The following VPS54 variants were observed in gnomAD, a reference collection of about 807,000 sequenced individuals.
The protein encoded by VPS54 is vacuolar protein sorting-associated protein 54.
VPS54 carries 45 observed loss-of-function variants against 121.5 expected under a neutral mutation model. The observed-to-expected ratio is 0.37, with a 90% confidence interval of 0.29 to 0.47. VPS54 has a LOEUF of 0.47. Ranked by LOEUF, VPS54 falls within the 20% of genes least tolerant of loss-of-function variation. VPS54 has a pLI of 0.99. For missense variants in VPS54, 1,090 were observed against 1,131.4 expected, an observed-to-expected ratio of 0.96 and a Z score of 0.52; for synonymous variants, 371 against 385.8, an observed-to-expected ratio of 0.96 and a Z score of 0.45.
Position 63,912,512 on chromosome 2 carries a change from C to T in VPS54, c.2544+28G>A, listed in dbSNP as rs372665741. The T allele has an allele frequency of 4.0e-5, 64 of 1,611,200 alleles. 2 individuals carry two copies. In the South Asian group the frequency reaches 4.5e-4, roughly 11 times the overall value. On this transcript the variant is annotated intron_variant, in intron 19 of 22. Transcript: ENST00000272322. ...CAATTAAGGATCTAAACTTATGAAA[C>T]GCCAATAGAAAATATATGAAAAAGT...
chr2:63,992,653 G>A (rs184207577), intron 1 of VPS54, among the ~76,000 whole-genome samples: 7 of 152,260 alleles, frequency 4.6e-5, no homozygotes, highest in East Asian at 1.9e-4. Flanking sequence ...CTTCTTTCCC[G>A]CTGGAATTCT....
chr2:63,919,395 G>C (rs567278931), intron 15 of VPS54, among the ~76,000 whole-genome samples: 1 of 152,176 alleles, frequency 6.6e-6, no homozygotes, highest in South Asian at 2.1e-4. Flanking sequence ...CAGAAATACA[G>C]CTGTTATCTC....
At chr2:63,962,555 T>C (rs1479971412) in intron 6 of VPS54, 112 bp from the exon 7 acceptor site, 16 of 1,306,894 alleles carry the variant, frequency 1.2e-5, no homozygotes, top group Non-Finnish European at 1.6e-5. Context: ...AATTCCATTG[T>C]GTGAATTGTT....
rs1673568753 is a variant in VPS54, at chr2:63,920,067, A to C, written c.2052-72T>G. The C allele has an allele frequency of 8.5e-6, 11 of 1,298,378 alleles. No individual in the cohort carries two copies. In the East Asian group the frequency reaches 2.7e-4, roughly 32 times the overall value. 80.4% of individuals were successfully genotyped at this position (1,298,378 alleles called of 1,614,324 possible). The stretch of plus-strand genomic sequence containing the variant: ...ACCATCTTCCTTGGTTTAAAAGAAA[A>C]GGAAGAAGAGCTGAGTGAGAACATA... On this transcript the variant is annotated intron_variant, in intron 14 of 22. Transcript: ENST00000272322.
intron 20 of VPS54, among the ~76,000 whole-genome samples, chr2:63,907,777 A>T (rs1672968274): frequency 6.6e-6 from 1 of 152,148 alleles, no homozygotes; most frequent in Non-Finnish European, 1.5e-5. Flanking sequence ...AAATCTGAGC[A>T]GACACTTTAC....
chr2:63,991,467 G>C (rs112241709), intron 1 of VPS54, among the ~76,000 whole-genome samples: 1 of 152,126 alleles, frequency 6.6e-6, no homozygotes, highest in Non-Finnish European at 1.5e-5. Context: ...CTGTGGGCAC[G>C]GGCCATGAAG....
intron 20 of VPS54, among the ~76,000 whole-genome samples, chr2:63,900,731 G>A (rs1672643933): frequency 6.6e-6 from 1 of 151,864 alleles, no homozygotes; most frequent in African/African-American, 2.4e-5. Context: ...GTAGAGGACA[G>A]GCCATATCAT....
At position 63,893,524 on chromosome 2, in the gene VPS54, G is replaced by A. The variant is rs770887715; in HGVS notation, c.2840C>T (p.Ala947Val). The A allele has an allele frequency of 1.9e-6, 3 of 1,613,038 alleles. No individual in the cohort carries two copies. Among genetic ancestry groups the A allele is most frequent in the Admixed American group, 1.7e-5 (1 of 59,858 alleles). The change falls in exon 23 of 23, where the codon GCA (alanine) becomes GTA (valine). Residue 947 changes from alanine to valine, a missense_variant. Transcript: ENST00000272322. ...DGGPQNGLVT[A>V]DVAFYTGNLQ... ...ATTTCCAGTGTAAAAAGCTACATCT[G>A]CTGTGACCAACCTAAATAATGGAGA...
chr2:63,980,521 G>T (rs1386314530), intron 3 of VPS54, among the ~76,000 whole-genome samples: 2 of 151,720 alleles, frequency 1.3e-5, no homozygotes, highest in African/African-American at 2.4e-5. Flanking sequence ...TTATGGCTTT[G>T]TTTGGATTGA....
At chr2:63,992,262 G>T (rs1396634739) in intron 1 of VPS54, among the ~76,000 whole-genome samples, 3 of 152,206 alleles carry the variant, frequency 2.0e-5, no homozygotes, top group African/African-American at 7.2e-5. Flanking sequence ...TGTAATTTCT[G>T]AACAACAGCC....
intron 1 of VPS54, among the ~76,000 whole-genome samples, chr2:63,990,115 A>G (rs1370093786): frequency 6.6e-6 from 1 of 152,048 alleles, no homozygotes; most frequent in African/African-American, 2.4e-5. Flanking sequence ...CAGTTAACAC[A>G]ATTTTCTGAA....
chr2:63,951,856 A>C (rs1047652142), intron 7 of VPS54, among the ~76,000 whole-genome samples: 1 of 152,186 alleles, frequency 6.6e-6, no homozygotes, highest in Non-Finnish European at 1.5e-5. Context: ...ATGTTGTTCA[A>C]GGTCAAAGGT....
chr2:63,909,612 G>A (rs1418859294), intron 20 of VPS54, among the ~76,000 whole-genome samples: 1 of 150,084 alleles, frequency 6.7e-6, no homozygotes, highest in Admixed American at 6.7e-5. Context: ...TAGAGACAGG[G>A]TTTAACCATC....
At position 63,949,161 on chromosome 2, in the gene VPS54, T is replaced by C. The variant is rs1162203248; in HGVS notation, c.1013A>G (p.His338Arg). ...TAATTCACAAAGCTGTGATCCCAAATGCCTAAAAAGGAAGAGAAAAATGTT... is the reference window on the plus strand; with the variant it reads ...TAATTCACAAAGCTGTGATCCCAAACGCCTAAAAAGGAAGAGAAAAATGTT... Reference protein sequence around the residue: ...QELQGIHSFRHLGSQLCELEK... With the variant: ...QELQGIHSFRRLGSQLCELEK... Residue 338 changes from histidine to arginine, a missense_variant and splice_region_variant, in exon 8 of 23, where the codon CAT (histidine) becomes CGT (arginine). Physicochemically the swap from His to Arg is conservative, Grantham distance 29. This residue lies in a region of VPS54 where 801 missense variants were observed against 757.0 expected (regional missense o/e 1.06). Transcript: ENST00000272322. 6.2e-7 allele frequency: 1 copy of C among 1,604,426 alleles called. No homozygotes were observed.
intron 11 of VPS54, among the ~76,000 whole-genome samples, chr2:63,938,058 T>G (rs796716895): frequency 9.8e-5 from 6 of 61,344 alleles, no homozygotes; most frequent in African/African-American, 3.3e-4. Context: ...GTGGTGTGTG[T>G]GGTGTGTGTG....
rs1558970602 is a variant in VPS54 at position 63,892,176 on chromosome 2, CAGATAGTTTAAGAA to C, written c.*1240_*1253del. On this transcript the variant is annotated 3_prime_UTR_variant, in exon 23 of 23. Coordinates refer to ENST00000272322, the MANE Select transcript of VPS54 (RefSeq NM_016516.3). The stretch of plus-strand genomic sequence containing the variant: ...TAATTTTTTACAGCTTTATTTTAGA[CAGATAGTTTAAGAA>C]CCAAAGACATACCTCTGTAATGATA... 1.3e-5 allele frequency: 2 copies of C among 151,986 alleles called. No individual in the cohort carries two copies. Among genetic ancestry groups the C allele is most frequent in the African/African-American group, 4.8e-5 (2 of 41,364 alleles). 9.4% of individuals were successfully genotyped at this position (151,986 alleles called of 1,614,324 possible).
At position 63,981,836 on chromosome 2, in the gene VPS54, C is replaced by T; in HGVS notation, c.188G>A (p.Arg63Lys). 1 of 1,613,552 alleles carries T rather than the reference C, an allele frequency of 6.2e-7. No homozygotes were observed. Among genetic ancestry groups the T allele is most frequent in the Non-Finnish European group, 8.5e-7 (1 of 1,179,690 alleles). Residue 63 changes from arginine to lysine, a missense_variant, in exon 3 of 23, where the codon AGA becomes AAA. By Grantham distance (26) the Arg-to-Lys change is conservative (BLOSUM62 2). Coordinates refer to ENST00000272322, the MANE Select transcript of VPS54 (RefSeq NM_016516.3). The stretch of plus-strand genomic sequence containing the variant: ...TACTTTGGAATGATATACAGTCCAT[C>T]TATGTTGATCTGTAACTAGAGATGG... Reference protein sequence around the residue: ...VAPSLVTDQHRWTVYHSKVNL... With the variant: ...VAPSLVTDQHKWTVYHSKVNL...
chr2:63,923,348 G>C (rs896928882), intron 12 of VPS54, among the ~76,000 whole-genome samples: 4 of 151,942 alleles, frequency 2.6e-5, no homozygotes, highest in Non-Finnish European at 2.9e-5. Flanking sequence ...ACTTCAGTTA[G>C]ATCTCTAACT....
intron 1 of VPS54, among the ~76,000 whole-genome samples, chr2:64,011,669 A>G (rs1463748140): frequency 6.6e-6 from 1 of 152,118 alleles, no homozygotes; most frequent in East Asian, 1.9e-4. Flanking sequence ...AACAACAAAA[A>G]ATAGCTTGGA....
Sources: gnomAD v4.1 joint callset for allele counts (sites outside exome capture counted in the v4.1 genomes callset) on GRCh38, gnomAD v4.1.1 for gene constraint, gnomAD v4.1.1 regional missense constraint, MANE v1.5 for transcripts, NCBI Gene and HGNC (gene_info 2026-07-23, HGNC 2026-07-21) for gene names.